Variants in LHFPL6 observed in about 807,000 individuals in gnomAD.
LHFPL6 encodes LHFPL tetraspan subfamily member 6.
Under a neutral mutation model 20.6 loss-of-function variants are expected in LHFPL6, and 9 were observed. That is an observed-to-expected ratio of 0.44 (90% CI 0.26 to 0.76). The LOEUF is 0.76. Among genes scored for constraint, LHFPL6 ranks in the 30% least tolerant of loss-of-function variants. LHFPL6 has a pLI of 0.20. For missense variants in LHFPL6, 218 were observed against 253.5 expected (o/e 0.86, Z 0.95); for synonymous variants, 105 against 98.7 (o/e 1.06, Z -0.38).
chr13:39,561,453 A>G (rs1871481231), intron 2 of LHFPL6, among the ~76,000 whole-genome samples: 1 of 152,116 alleles, frequency 6.6e-6, no homozygotes, highest in South Asian at 2.1e-4. Context: ...GGAAGAGAGA[A>G]GTGGCATTTG....
intron 2 of LHFPL6, among the ~76,000 whole-genome samples, chr13:39,595,313 T>A (rs1213491059): frequency 1.3e-5 from 2 of 152,156 alleles, no homozygotes; most frequent in African/African-American, 4.8e-5. Flanking sequence ...TTTCCTTTTT[T>A]TTGAGACAGA....
chr13:39,466,901 CAT>C (rs1452842139), intron 2 of LHFPL6, among the ~76,000 whole-genome samples: 1 of 152,136 alleles, frequency 6.6e-6, no homozygotes, highest in Non-Finnish European at 1.5e-5. Context: ...AAGAGCTAAA[CAT>C]AGAAATTCTA....
chr13:39,421,739 A>G (rs1871492962), intron 2 of LHFPL6, among the ~76,000 whole-genome samples: 1 of 115,938 alleles, frequency 8.6e-6, no homozygotes, highest in South Asian at 3.7e-4. Flanking sequence ...CAGTCCAATA[A>G]AAGGATATTG....
rs201813227 is a variant in LHFPL6 at position 39,600,847 on chromosome 13, T to C, written c.370A>G (p.Ile124Val). 1.3e-6 allele frequency: 2 copies of C among 1,487,038 alleles called. No homozygotes were observed. The highest frequency in any genetic ancestry group is 1.5e-5 in the South Asian group (1 of 67,642). The allele number at this position is 1,487,038 out of a possible 1,614,324, so 92.1% of individuals were successfully genotyped here. The change falls in exon 2 of 4, where the codon ATT (isoleucine) becomes GTT (valine). Residue 124 changes from isoleucine to valine, a missense_variant. Coordinates refer to ENST00000379589, the MANE Select transcript of LHFPL6 (RefSeq NM_005780.3). ...AGTCACTTACCCCCAAGAAACTGAA[T>C]TCCTCCAGCCACTCTTCCCACTGTC... Reference protein sequence around the residue: ...SRTVGRVAGGIQFLGGLLIGA... With the variant: ...SRTVGRVAGGVQFLGGLLIGA...
intron 2 of LHFPL6, among the ~76,000 whole-genome samples, chr13:39,566,974 A>G (rs549823524): frequency 3.3e-5 from 5 of 151,806 alleles, no homozygotes; most frequent in African/African-American, 1.2e-4. Flanking sequence ...TAATGTTAAA[A>G]GCATTTAGCA....
At position 39,523,166 on chromosome 13, in the gene LHFPL6, G is replaced by T. The variant is rs890480039; in HGVS notation, c.385+77666C>A. Among the ~76,000 whole-genome samples, 5 of 152,208 alleles carry T rather than the reference G, an allele frequency of 3.3e-5. No individual in the cohort carries two copies. In the South Asian group the frequency reaches 1.0e-3, roughly 32 times the overall value. ...TTACGACTGATACATGTAATGTGCC[G>T]GTTTATGCAGAAAGCATGTGGTCTC... On this transcript the variant is annotated intron_variant, in intron 2 of 3. Transcript: ENST00000379589.
intron 2 of LHFPL6, among the ~76,000 whole-genome samples, chr13:39,547,590 T>C (rs1871020498): frequency 6.6e-6 from 1 of 152,082 alleles, no homozygotes; most frequent in East Asian, 1.9e-4. Flanking sequence ...TGCAAAACAG[T>C]GAGATATTGC....
intron 2 of LHFPL6, among the ~76,000 whole-genome samples, chr13:39,442,090 T>C (rs1484816248): frequency 6.6e-6 from 1 of 151,834 alleles, no homozygotes; most frequent in Non-Finnish European, 1.5e-5. Flanking sequence ...CAGCCTCCCA[T>C]AGTGCTGGGA....
At chr13:39,418,061 A>T (rs1158448292) in intron 2 of LHFPL6, among the ~76,000 whole-genome samples, 2 of 152,128 alleles carry the variant, frequency 1.3e-5, no homozygotes, top group Non-Finnish European at 2.9e-5. Context: ...TTAAAACAAA[A>T]CCAAACAAAC....
At chr13:39,557,630 A>G (rs1871345650) in intron 2 of LHFPL6, among the ~76,000 whole-genome samples, 1 of 152,340 alleles carries the variant, frequency 6.6e-6, no homozygotes, top group African/African-American at 2.4e-5. Flanking sequence ...GAAGGACATG[A>G]GATCTGTGGG....
chr13:39,376,249 A>T (rs534004234), intron 3 of LHFPL6, among the ~76,000 whole-genome samples: 1 of 152,200 alleles, frequency 6.6e-6, no homozygotes, highest in Non-Finnish European at 1.5e-5. Flanking sequence ...CTCAAACACC[A>T]GGGAAAGAAA....
intron 2 of LHFPL6, among the ~76,000 whole-genome samples, chr13:39,403,805 T>C (rs934011864): frequency 5.3e-5 from 8 of 152,212 alleles, no homozygotes; most frequent in African/African-American, 1.7e-4. Context: ...CCCACCACTG[T>C]ATAAACATGT....
rs1223158650 is a variant in LHFPL6 at position 39,445,233 on chromosome 13, G to T, written c.386-66707C>A. On this transcript the variant is annotated intron_variant, in intron 2 of 3. Coordinates refer to ENST00000379589, the MANE Select transcript of LHFPL6 (RefSeq NM_005780.3). The stretch of plus-strand genomic sequence containing the variant: ...ACCCATTCTGTGGTACTCTATTATA[G>T]CAGCATGAAATGGACACAGTCCCTT... 1.4e-4 allele frequency among the ~76,000 whole-genome samples: 22 copies of T among 152,134 alleles called. 1 individual carries two copies. Among genetic ancestry groups the T allele is most frequent in the Admixed American group, 1.4e-3 (21 of 15,268 alleles).
chr13:39,440,623 C>G (rs897100064), intron 2 of LHFPL6, among the ~76,000 whole-genome samples: 1 of 152,088 alleles, frequency 6.6e-6, no homozygotes, highest in South Asian at 2.1e-4. Context: ...ATTTTTGAGA[C>G]AGGGTCTTGC....
rs1291013484 is a variant in LHFPL6 at position 39,542,606 on chromosome 13, T to A, written c.385+58226A>T. ...GACTGTTTAACAAGCCACTCCACTG[T>A]CAGGATGCCAAACCTCTGGGAGAAT... On this transcript the variant is annotated intron_variant, in intron 2 of 3. Coordinates refer to ENST00000379589, the MANE Select transcript of LHFPL6 (RefSeq NM_005780.3). Among the ~76,000 whole-genome samples the A allele has an allele frequency of 2.6e-5, 4 of 152,198 alleles. No homozygotes were observed. The East Asian group carries it at 5.8e-4, about 22-fold the overall frequency.
At chr13:39,528,061 C>A (rs973203335) in intron 2 of LHFPL6, among the ~76,000 whole-genome samples, 1 of 152,180 alleles carries the variant, frequency 6.6e-6, no homozygotes, top group Non-Finnish European at 1.5e-5. Flanking sequence ...TCTCCTTCCG[C>A]TTCATATGAC....
intron 2 of LHFPL6, among the ~76,000 whole-genome samples, chr13:39,401,520 T>C (rs1415149009): frequency 6.6e-6 from 1 of 152,168 alleles, no homozygotes; most frequent in Non-Finnish European, 1.5e-5. Context: ...CAGCAGTCAT[T>C]ACTAGGCTGG....
At chr13:39,369,592 T>TTCCCTCCCTCCCTCCCTCCCTCCCTCCC (rs1566095649) in intron 3 of LHFPL6, among the ~76,000 whole-genome samples, 1 of 147,704 alleles carries the variant, frequency 6.8e-6, no homozygotes, top group African/African-American at 2.5e-5. Context: ...CCTTCCTTCC[T>TTCCCTCCCTCCCTCCCTCCCTCCCTCCC]TCCTTCCTCC....
intron 2 of LHFPL6, among the ~76,000 whole-genome samples, chr13:39,484,828 G>A (rs1356181275): frequency 6.6e-6 from 1 of 152,188 alleles, no homozygotes; most frequent in Non-Finnish European, 1.5e-5. Flanking sequence ...ATGAGGAGGT[G>A]CGAACCTGTG....
Sources: gnomAD v4.1 joint callset for allele counts (sites outside exome capture counted in the v4.1 genomes callset) on GRCh38, gnomAD v4.1.1 for gene constraint, MANE v1.5 for transcripts, NCBI Gene and HGNC (gene_info 2026-07-23, HGNC 2026-07-21) for gene names.